The following PXDNL variants were observed in gnomAD, a reference collection of about 807,000 sequenced individuals.
The protein encoded by PXDNL is peroxidasin like.
In PXDNL, 145 loss-of-function variants were observed where a neutral mutation model predicts 150.8. The observed-to-expected ratio is 0.96, with a 90% CI of 0.84 to 1.10. PXDNL has a LOEUF of 1.10. Ranked by LOEUF, PXDNL falls within the 50% of genes least tolerant of loss-of-function variation. PXDNL has a pLI of 0.00. For missense variants in PXDNL, 2,087 were observed against 1,873.9 expected, an observed-to-expected ratio of 1.11 and a Z score of -2.10; for synonymous variants, 757 against 725.7, an observed-to-expected ratio of 1.04 and a Z score of -0.69.
chr8:51,751,556 A>G (rs1035181986), intron 1 of PXDNL, among the ~76,000 whole-genome samples: 2 of 152,196 alleles, frequency 1.3e-5, no homozygotes, highest in Non-Finnish European at 2.9e-5. Context: ...TCTGACCCCA[A>G]GTCACCATAG....
intron 1 of PXDNL, among the ~76,000 whole-genome samples, chr8:51,696,542 A>C (rs1458895633): frequency 6.6e-6 from 1 of 151,944 alleles, no homozygotes; most frequent in Non-Finnish European, 1.5e-5. Flanking sequence ...TCTTCTGGGC[A>C]GAGCAGGATG....
At chr8:51,705,152 G>A (rs754906257) in intron 1 of PXDNL, among the ~76,000 whole-genome samples, 7 of 152,150 alleles carry the variant, frequency 4.6e-5, no homozygotes, top group Non-Finnish European at 1.0e-4. Flanking sequence ...TTGATTCTCA[G>A]GCATGGGGGG....
intron 1 of PXDNL, among the ~76,000 whole-genome samples, chr8:51,791,611 G>A (rs2037514466): frequency 6.6e-6 from 1 of 152,168 alleles, no homozygotes; most frequent in African/African-American, 2.4e-5. Context: ...GTATGGAAGG[G>A]TACACAAGTA....
chr8:51,608,025 G>GA (rs1434301685), intron 2 of PXDNL, among the ~76,000 whole-genome samples: 1 of 106,054 alleles, frequency 9.4e-6, no homozygotes, highest in Non-Finnish European at 1.9e-5. Context: ...AAGAAAGAAA[G>GA]AAAGAAAGAA....
intron 1 of PXDNL, among the ~76,000 whole-genome samples, chr8:51,751,131 A>G (rs1021001066): frequency 6.6e-6 from 1 of 152,196 alleles, no homozygotes; most frequent in African/African-American, 2.4e-5. Context: ...TTTTGCCAAG[A>G]AAAATTGGAA....
intron 1 of PXDNL, among the ~76,000 whole-genome samples, chr8:51,766,744 A>AT (rs57127285): frequency 5.1e-5 from 7 of 138,108 alleles, no homozygotes; most frequent in Non-Finnish European, 1.1e-4. Flanking sequence ...TCTTTTTTTT[A>AT]AAAAAAAAAG....
At chr8:51,326,958 T>C (rs76842669) in intron 21 of PXDNL, among the ~76,000 whole-genome samples, 4,796 of 152,176 alleles carry the variant, frequency 0.032, 241 homozygotes, top group African/African-American at 0.11. Context: ...AAAGGAAATC[T>C]GAACACAGAT....
intron 17 of PXDNL, among the ~76,000 whole-genome samples, chr8:51,389,479 C>A (rs1807825838): frequency 6.6e-6 from 1 of 152,170 alleles, no homozygotes; most frequent in African/African-American, 2.4e-5. Context: ...AGAGATGAGG[C>A]AGGATTTCAG....
At chr8:51,512,422 C>T (rs1380561339) in intron 4 of PXDNL, among the ~76,000 whole-genome samples, 3 of 152,084 alleles carry the variant, frequency 2.0e-5, no homozygotes, top group South Asian at 4.1e-4. Flanking sequence ...CCAATACGTC[C>T]CCCTCTCAGC....
At chr8:51,610,353 G>A (rs972771840) in intron 2 of PXDNL, among the ~76,000 whole-genome samples, 7 of 151,782 alleles carry the variant, frequency 4.6e-5, no homozygotes, top group Non-Finnish European at 8.8e-5. Context: ...CTAGTGTGAA[G>A]GTTTTATTTA....
intron 3 of PXDNL, among the ~76,000 whole-genome samples, chr8:51,576,632 G>C (rs1813061395): frequency 6.6e-6 from 1 of 151,322 alleles, no homozygotes. Flanking sequence ...AGAGCAAAAT[G>C]AACTCAAAGC....
At chr8:51,364,955 T>G (rs553937170) in intron 19 of PXDNL, among the ~76,000 whole-genome samples, 1 of 152,302 alleles carries the variant, frequency 6.6e-6, no homozygotes, top group African/African-American at 2.4e-5. Flanking sequence ...TTTATTTTAT[T>G]TTAGAGATGA....
rs6473598 is a variant in PXDNL, at chr8:51,369,797, G to A, written c.3901+2076C>T. 1.2e-3 allele frequency among the ~76,000 whole-genome samples: 177 copies of A among 152,290 alleles called. 2 individuals carry two copies. Among genetic ancestry groups the A allele is most frequent in the African/African-American group, 3.9e-3 (162 of 41,566 alleles). The stretch of plus-strand genomic sequence containing the variant: ...TGGGACCACAGATCTTGATAAGAAC[G>A]CTGCACAAACTCAAGACCCCAACCC... On this transcript the variant is annotated intron_variant, in intron 19 of 22. Coordinates refer to ENST00000356297, the MANE Select transcript of PXDNL (RefSeq NM_144651.5).
chr8:51,449,982 T>C (rs1809765760), intron 10 of PXDNL, among the ~76,000 whole-genome samples: 1 of 152,226 alleles, frequency 6.6e-6, no homozygotes, highest in Non-Finnish European at 1.5e-5. Flanking sequence ...CAGTATAGGC[T>C]GCTGGGCTGA....
At chr8:51,498,035 T>C (rs1811096606) in intron 5 of PXDNL, among the ~76,000 whole-genome samples, 1 of 152,082 alleles carries the variant, frequency 6.6e-6, no homozygotes, top group Non-Finnish European at 1.5e-5. Flanking sequence ...CCAACCCAAA[T>C]GTCCAACAAT....
At chr8:51,789,756 TCC>T (rs2037493681) in intron 1 of PXDNL, among the ~76,000 whole-genome samples, 1 of 152,080 alleles carries the variant, frequency 6.6e-6, no homozygotes, top group South Asian at 2.1e-4. Flanking sequence ...GAAGATAAAA[TCC>T]ACCCAAGGAG....
intron 1 of PXDNL, among the ~76,000 whole-genome samples, chr8:51,659,570 C>T (rs1044979968): frequency 6.6e-6 from 1 of 152,166 alleles, no homozygotes; most frequent in South Asian, 2.1e-4. Flanking sequence ...TCCACGCGAA[C>T]TATCATAGCT....
chr8:51,678,022 C>T (rs1462873859), intron 1 of PXDNL, among the ~76,000 whole-genome samples: 1 of 152,106 alleles, frequency 6.6e-6, no homozygotes, highest in Non-Finnish European at 1.5e-5. Flanking sequence ...TAAGAAGGGC[C>T]ATAAAGATTT....
At chr8:51,587,608 G>A (rs1249339073) in intron 3 of PXDNL, among the ~76,000 whole-genome samples, 3 of 152,130 alleles carry the variant, frequency 2.0e-5, no homozygotes, top group African/African-American at 4.8e-5. Context: ...GAATATACAA[G>A]CACTATAACT....
Sources: gnomAD v4.1 joint callset for allele counts (sites outside exome capture counted in the v4.1 genomes callset) on GRCh38, gnomAD v4.1.1 for gene constraint, MANE v1.5 for transcripts, NCBI Gene and HGNC (gene_info 2026-07-23, HGNC 2026-07-21) for gene names.